The following STON1 variants were observed in gnomAD, a reference collection of about 807,000 sequenced individuals.
The protein encoded by STON1 is stonin 1.
A neutral mutation model predicts 60.9 loss-of-function variants in STON1; 79 were observed. The observed-to-expected ratio is 1.30, with a 90% CI of 1.08 to 1.56. The LOEUF (loss-of-function observed/expected upper bound fraction) is 1.56, where lower values mean the gene tolerates loss of function less well. Among genes scored for constraint, STON1 ranks in the 40% most tolerant of loss-of-function variants. The pLI, the probability that STON1 is intolerant of heterozygous loss-of-function variation, is 0.00. For missense variants in STON1, 1,166 were observed against 858.9 expected (o/e 1.36, Z -4.47); for synonymous variants, 363 against 306.9 (o/e 1.18, Z -1.91).
intron 1 of STON1, among the ~76,000 whole-genome samples, chr2:48,539,092 A>AT (rs978779335): frequency 1.3e-5 from 2 of 151,818 alleles, no homozygotes; most frequent in Non-Finnish European, 2.9e-5. Flanking sequence ...AAAGTTTTGT[A>AT]TTTTTTGTAG....
At chr2:48,591,425 A>G (rs1674505055) in intron 2 of STON1, among the ~76,000 whole-genome samples, 2 of 152,000 alleles carry the variant, frequency 1.3e-5, no homozygotes, top group Non-Finnish European at 2.9e-5. Context: ...CAAAATAGTA[A>G]TGAAGTTGTA....
At chr2:48,565,821 T>A (rs1672918657) in intron 1 of STON1, among the ~76,000 whole-genome samples, 1 of 152,226 alleles carries the variant, frequency 6.6e-6, no homozygotes, top group Non-Finnish European at 1.5e-5. Flanking sequence ...ATTACCATTT[T>A]ACAGATGAGG....
At chr2:48,591,990 T>A (rs1181853098) in intron 3 of STON1, 135 bp downstream of exon 3, 3 of 1,243,052 alleles carry the variant, frequency 2.4e-6, no homozygotes, top group Non-Finnish European at 3.2e-6. Context: ...ATCTCAGCTA[T>A]GGAAACTTGA....
intron 1 of STON1, among the ~76,000 whole-genome samples, chr2:48,540,443 T>C (rs532933036): frequency 1.3e-5 from 2 of 152,256 alleles, no homozygotes; most frequent in African/African-American, 2.4e-5. Flanking sequence ...ATGCTGACAT[T>C]GTGAAGCTTC....
At chr2:48,591,569 A>G in intron 2 of STON1, 84 bp from the exon 3 acceptor site, 1 of 1,528,864 alleles carries the variant, frequency 6.5e-7, no homozygotes, top group Admixed American at 1.9e-5. Flanking sequence ...CTTATTAAGG[A>G]GAGAGATGAG....
intron 2 of STON1, 140 bp downstream of exon 2, chr2:48,582,703 T>C: frequency 7.2e-7 from 1 of 1,379,530 alleles, no homozygotes; most frequent in South Asian, 1.5e-5. Context: ...ATGGAACATT[T>C]AGCTAAACAG....
chr2:48,588,193 G>C (rs916246999), intron 2 of STON1, among the ~76,000 whole-genome samples: 1 of 152,202 alleles, frequency 6.6e-6, no homozygotes, highest in Non-Finnish European at 1.5e-5. Context: ...TGACGCCAAT[G>C]CATCTGGCCC....
At chr2:48,547,898 C>G (rs1165797795) in intron 1 of STON1, among the ~76,000 whole-genome samples, 2 of 152,200 alleles carry the variant, frequency 1.3e-5, no homozygotes, top group Non-Finnish European at 2.9e-5. Flanking sequence ...TCATCAGGAA[C>G]ATTGTATTAG....
intron 2 of STON1, among the ~76,000 whole-genome samples, chr2:48,584,039 G>T (rs1674058008): frequency 6.6e-6 from 1 of 151,900 alleles, no homozygotes; most frequent in Admixed American, 6.6e-5. Flanking sequence ...TTGAGCCACT[G>T]TGCCCGGCCC....
intron 1 of STON1, among the ~76,000 whole-genome samples, chr2:48,554,214 TTTTA>T (rs759126371): frequency 3.9e-4 from 59 of 152,204 alleles, no homozygotes; most frequent in African/African-American, 1.3e-3. Context: ...CTTTATTTTA[TTTTA>T]TTTATTTGTT....
rs114940504 is a variant in STON1 at position 48,585,353 on chromosome 2, T to A, written c.1930+2790T>A. On this transcript the variant is annotated intron_variant, in intron 2 of 3. Transcript: ENST00000404752. ...ACCGCTGCCTCCTGGGTTCAAGCAA[T>A]TCTAGTGGCTCAACCTCCCAAGTAG... 7.5e-3 allele frequency among the ~76,000 whole-genome samples: 1,145 copies of A among 152,094 alleles called. 17 individuals are homozygous for A. Among genetic ancestry groups the A allele is most frequent in the African/African-American group, 0.027 (1,118 of 41,482 alleles).
chr2:48,562,010 G>A (rs1259658787), intron 1 of STON1, among the ~76,000 whole-genome samples: 11 of 152,186 alleles, frequency 7.2e-5, no homozygotes, highest in East Asian at 5.8e-4. Context: ...ACAGGCGTGC[G>A]CCACCACGCC....
chr2:48,582,526 G>C lies in STON1; in HGVS notation c.1893G>C (p.Val631=). ...AATATGAGAGTGCCTACCAGGCAGT[G>C]GTATGGAAGATAGATCGGCTTCCAG... ...SAKYESAYQA[V]VWKIDRLPDK... Residue 631 remains valine (V), a synonymous_variant, in exon 2 of 4, where the codon GTG becomes GTC. Transcript: ENST00000404752. 6.2e-7 allele frequency: 1 copy of C among 1,613,746 alleles called. No individual in the cohort carries two copies. The highest frequency in any genetic ancestry group is 8.5e-7 in the Non-Finnish European group (1 of 1,179,894).
At chr2:48,572,957 GC>G (rs1673293541) in intron 1 of STON1, among the ~76,000 whole-genome samples, 1 of 152,210 alleles carries the variant, frequency 6.6e-6, no homozygotes, top group Admixed American at 6.5e-5. Context: ...GCTGCCCTCC[GC>G]TGTGTGTTTT....
At chr2:48,570,877 T>TTCC (rs1461292789) in intron 1 of STON1, among the ~76,000 whole-genome samples, 1 of 128,176 alleles carries the variant, frequency 7.8e-6, no homozygotes, top group Non-Finnish European at 1.7e-5. Context: ...TTTTTGTCTT[T>TTCC]CCCCAGACAG....
At chr2:48,552,869 T>C (rs1672160357) in intron 1 of STON1, among the ~76,000 whole-genome samples, 1 of 152,198 alleles carries the variant, frequency 6.6e-6, no homozygotes, top group East Asian at 1.9e-4. Context: ...CATGTAGAGG[T>C]TGAAAATCAC....
chr2:48,571,721 A>G (rs559307524), intron 1 of STON1, among the ~76,000 whole-genome samples: 1 of 152,256 alleles, frequency 6.6e-6, no homozygotes, highest in East Asian at 1.9e-4. Flanking sequence ...ATTAGGAGGG[A>G]AGGAAAGGGA....
At position 48,564,585 on chromosome 2, in the gene STON1, C is replaced by T. The variant is rs1449640576; in HGVS notation, c.-47-16002C>T. On this transcript the variant is annotated intron_variant, in intron 1 of 3. Coordinates refer to ENST00000404752, the MANE Select transcript of STON1 (RefSeq NM_006873.4). The stretch of plus-strand genomic sequence containing the variant: ...TCTTCTTCTCCTTCTCCTTCTCCTC[C>T]TCCTCCTCCTCCTCCTCCTTCTCCT... 7.4e-4 allele frequency among the ~76,000 whole-genome samples: 46 copies of T among 62,250 alleles called. 8 individuals are homozygous for T. Among genetic ancestry groups the T allele is most frequent in the Admixed American group, 1.4e-3 (9 of 6,576 alleles). The allele number at this position is 62,250 out of a possible 152,430, so 40.8% of individuals were successfully genotyped here.
Position 48,597,723 on chromosome 2 carries a change from G to A in STON1, c.*2421G>A, listed in dbSNP as rs78579226. ...GGTGTTACAGCATAATTGTTAATTC[G>A]CACATCTATTAGGATCCTTAAATAT... On this transcript the variant is annotated 3_prime_UTR_variant, in exon 4 of 4. Transcript: ENST00000404752. 3.1e-3 allele frequency: 474 copies of A among 152,696 alleles called. 5 individuals are homozygous for A. The highest frequency in any genetic ancestry group is 0.014 in the Middle Eastern group (4 of 294). 9.5% of individuals were successfully genotyped at this position (152,696 alleles called of 1,614,324 possible). A position where few individuals can be genotyped will look rare whatever the true frequency, so the allele number is the denominator to read the frequency against.
Sources: allele counts gnomAD v4.1 joint callset (sites outside exome capture counted in the v4.1 genomes callset), GRCh38; gene constraint gnomAD v4.1.1; transcripts MANE v1.5; gene names NCBI Gene and HGNC (gene_info 2026-07-23, HGNC 2026-07-21).